Variants in MBNL1 observed in about 807,000 individuals in gnomAD.
MBNL1 encodes the protein muscleblind like splicing regulator 1.
MBNL1 carries 8 observed loss-of-function variants against 42.2 expected under a neutral mutation model. The observed-to-expected ratio is 0.19, with a 90% confidence interval of 0.11 to 0.34. The LOEUF is 0.34. Ranked by LOEUF, MBNL1 falls within the 10% of genes least tolerant of loss-of-function variation. MBNL1 has a pLI of 1.00. For synonymous variants in MBNL1, 169 were observed against 173.9 expected (o/e 0.97, Z 0.22); for missense variants, 309 against 495.3 (o/e 0.62, Z 3.57).
intron 2 of MBNL1, among the ~76,000 whole-genome samples, chr3:152,255,091 C>G (rs530601954): frequency 2.2e-4 from 33 of 152,152 alleles, no homozygotes; most frequent in South Asian, 1.9e-3. Flanking sequence ...AGAAATCTTA[C>G]AATTTGGTGG....
chr3:152,365,673 G>T (rs1052729755), intron 2 of MBNL1, among the ~76,000 whole-genome samples: 1 of 152,050 alleles, frequency 6.6e-6, no homozygotes, highest in East Asian at 1.9e-4. Context: ...AGAACAGTTT[G>T]TGTACAACTG....
At chr3:152,427,721 AT>A (rs985413738) in intron 3 of MBNL1, among the ~76,000 whole-genome samples, 11 of 151,542 alleles carry the variant, frequency 7.3e-5, no homozygotes, top group South Asian at 2.1e-4. Context: ...TTTAAAAAAA[AT>A]TTTTTTATAT....
At chr3:152,277,089 A>G (rs1376250337) in intron 1 of MBNL1, among the ~76,000 whole-genome samples, 1 of 152,190 alleles carries the variant, frequency 6.6e-6, no homozygotes, top group East Asian at 1.9e-4. Context: ...AGAATTATAT[A>G]AAATATCAGT....
chr3:152,396,717 T>A (rs974485319), intron 2 of MBNL1, among the ~76,000 whole-genome samples: 1 of 152,210 alleles, frequency 6.6e-6, no homozygotes, highest in Non-Finnish European at 1.5e-5. Context: ...CCTTTTCTTC[T>A]GTTTTTTGTT....
chr3:152,358,006 T>G (rs1158554934), intron 2 of MBNL1, among the ~76,000 whole-genome samples: 1 of 152,064 alleles, frequency 6.6e-6, no homozygotes, highest in Non-Finnish European at 1.5e-5. Context: ...TGTGTGTGTG[T>G]GTGCGCACGC....
intron 2 of MBNL1, among the ~76,000 whole-genome samples, chr3:152,382,194 C>G (rs1274403537): frequency 1.3e-5 from 2 of 152,056 alleles, no homozygotes; most frequent in Non-Finnish European, 2.9e-5. Context: ...GGAAAACTAG[C>G]TGACCACTCT....
intron 2 of MBNL1, among the ~76,000 whole-genome samples, chr3:152,245,205 C>T (rs558201802): frequency 1.9e-3 from 286 of 152,174 alleles, no homozygotes; most frequent in African/African-American, 6.3e-3. Flanking sequence ...ATCCTAGAAA[C>T]TTTTATTCAA....
chr3:152,457,039 C>T (rs1266666083), intron 8 of MBNL1, among the ~76,000 whole-genome samples: 1 of 151,990 alleles, frequency 6.6e-6, no homozygotes, highest in Non-Finnish European at 1.5e-5. Context: ...TTCTGTATTC[C>T]ATGCAAATTT....
At chr3:152,304,602 C>G (rs924806667) in intron 2 of MBNL1, among the ~76,000 whole-genome samples, 1 of 152,160 alleles carries the variant, frequency 6.6e-6, no homozygotes, top group Admixed American at 6.5e-5. Flanking sequence ...TTCAATGTGT[C>G]TTTCAGTGAC....
chr3:152,351,537 G>A (rs1464485195), intron 2 of MBNL1, among the ~76,000 whole-genome samples: 2 of 152,152 alleles, frequency 1.3e-5, no homozygotes, highest in Non-Finnish European at 2.9e-5. Flanking sequence ...CACAGTTGGA[G>A]TATATTTGTC....
In MBNL1 at chr3:152,445,289, G is replaced by A; in HGVS notation, c.557G>A (p.Arg186Gln). The change falls in exon 5 of 10, where the codon CGA becomes CAA. Residue 186 changes from arginine to glutamine, a missense_variant. Coordinates refer to ENST00000324210, the MANE Select transcript of MBNL1 (RefSeq NM_021038.5). ...LMRTDRLEVC[R>Q]EYQRGNCNRG... ...TACTTAATGACCTCATAGGTATGTC[G>A]AGAGTACCAACGTGGCAATTGCAAC... 6.2e-7 allele frequency: 1 copy of A among 1,613,560 alleles called. No homozygotes were observed. Among genetic ancestry groups the A allele is most frequent in the Non-Finnish European group, 8.5e-7 (1 of 1,179,688 alleles).
intron 1 of MBNL1, among the ~76,000 whole-genome samples, chr3:152,284,837 G>T (rs2050605603): frequency 6.6e-6 from 1 of 152,078 alleles, no homozygotes; most frequent in Non-Finnish European, 1.5e-5. Flanking sequence ...GTAGGCTCCT[G>T]TTGCTCGGAG....
intron 2 of MBNL1, among the ~76,000 whole-genome samples, chr3:152,395,114 C>T (rs1467728840): frequency 6.6e-6 from 1 of 152,204 alleles, no homozygotes; most frequent in African/African-American, 2.4e-5. Context: ...CTGCCTCAGC[C>T]TCCCAAAGTG....
intron 2 of MBNL1, among the ~76,000 whole-genome samples, chr3:152,358,001 G>GTT (rs2095648860): frequency 6.6e-6 from 1 of 152,062 alleles, no homozygotes; most frequent in South Asian, 2.1e-4. Context: ...GGGTGTGTGT[G>GTT]TGTGTGTGCG....
At chr3:152,372,911 G>C (rs962819148) in intron 2 of MBNL1, among the ~76,000 whole-genome samples, 1 of 152,182 alleles carries the variant, frequency 6.6e-6, no homozygotes, top group Non-Finnish European at 1.5e-5. Context: ...CGCCTCTTCC[G>C]CCAGGTCCTC....
chr3:152,305,857 T>C (rs902431779), intron 2 of MBNL1, among the ~76,000 whole-genome samples: 1 of 152,218 alleles, frequency 6.6e-6, no homozygotes, highest in Admixed American at 6.5e-5. Context: ...TATACAAATA[T>C]CATCAAATGC....
intron 2 of MBNL1, among the ~76,000 whole-genome samples, chr3:152,371,398 G>C (rs1393825250): frequency 6.6e-6 from 1 of 152,188 alleles, no homozygotes; most frequent in African/African-American, 2.4e-5. Flanking sequence ...AGGAGTTCAA[G>C]ACCAGCCTGA....
At chr3:152,368,542 C>T (rs1183724096) in intron 2 of MBNL1, among the ~76,000 whole-genome samples, 1 of 152,008 alleles carries the variant, frequency 6.6e-6, no homozygotes, top group East Asian at 1.9e-4. Context: ...TTTTCTAATT[C>T]TGTGAAGAAA....
At chr3:152,337,942 T>C (rs1217583804) in intron 2 of MBNL1, 1 of 224,914 alleles carries the variant, frequency 4.4e-6, no homozygotes, top group African/African-American at 2.3e-5. Context: ...TAATTCCCAA[T>C]AATGTTGCCT....
Sources: allele counts gnomAD v4.1 joint callset (sites outside exome capture counted in the v4.1 genomes callset), GRCh38; gene constraint gnomAD v4.1.1; transcripts MANE v1.5; gene names NCBI Gene and HGNC (gene_info 2026-07-23, HGNC 2026-07-21).